SGF29: variants seen among roughly 807,000 people sequenced by gnomAD.
SGF29 encodes SAGA complex associated factor 29.
A neutral mutation model predicts 38.1 loss-of-function variants in SGF29; 15 were observed. That is an observed-to-expected ratio of 0.39 (90% CI 0.26 to 0.61). SGF29 has a LOEUF of 0.61. SGF29 is among the 20% of genes least tolerant of loss of function. The pLI, the probability that SGF29 is intolerant of heterozygous loss-of-function variation, is 0.49. For synonymous variants in SGF29, 151 were observed against 160.8 expected (o/e 0.94, Z 0.46); for missense variants, 184 against 394.6 (o/e 0.47, Z 4.52).
At chr16:28,564,553 A>ATATATATATATGTATATATATATACG (rs1567285615) in intron 1 of SGF29, among the ~76,000 whole-genome samples, 2 of 108,732 alleles carry the variant, frequency 1.8e-5, no homozygotes, top group Non-Finnish European at 3.5e-5. Flanking sequence ...ATATATACGT[A>ATATATATATATGTATATATATATACG]TATATATATA....
chr16:28,559,137 T>C (rs1272441359), intron 1 of SGF29, among the ~76,000 whole-genome samples: 1 of 152,054 alleles, frequency 6.6e-6, no homozygotes, highest in Non-Finnish European at 1.5e-5. Context: ...CTGAGCAATA[T>C]GATGAGACCT....
chr16:28,581,823 G>C (rs2046927756), intron 2 of SGF29, among the ~76,000 whole-genome samples: 1 of 151,802 alleles, frequency 6.6e-6, no homozygotes, highest in African/African-American at 2.4e-5. Flanking sequence ...GGAGGCTGAG[G>C]CAGGAGAATC....
intron 1 of SGF29, among the ~76,000 whole-genome samples, chr16:28,555,282 G>A (rs1219174607): frequency 6.6e-6 from 1 of 151,748 alleles, no homozygotes; most frequent in East Asian, 1.9e-4. Flanking sequence ...CGAGCAACGT[G>A]GTGAAATCCA....
rs56801484 is a variant in SGF29, at chr16:28,564,726, T to TAC, written c.-16+10631_-16+10632dup. ...ATATATACATATATATGTATATATATACATATATATGTATATATGTATATA... is the reference window on the plus strand; with the variant it reads ...ATATATACATATATATGTATATATATACACATATATATGTATATATGTATATA... On this transcript the variant is annotated intron_variant, in intron 1 of 9. Coordinates refer to ENST00000317058, the MANE Select transcript of SGF29 (RefSeq NM_138414.3). 2.0e-3 allele frequency among the ~76,000 whole-genome samples: 87 copies of TAC among 44,532 alleles called. 1 individual carries two copies. Among genetic ancestry groups the TAC allele is most frequent in the Non-Finnish European group, 2.7e-3 (52 of 19,332 alleles). 29.2% of individuals were successfully genotyped at this position (44,532 alleles called of 152,430 possible). A position where few individuals can be genotyped will look rare whatever the true frequency, so the allele number is the denominator to read the frequency against.
intron 1 of SGF29, among the ~76,000 whole-genome samples, chr16:28,574,806 T>G (rs7193402): frequency 6.6e-6 from 1 of 152,016 alleles, no homozygotes; most frequent in Non-Finnish European, 1.5e-5. Context: ...CCCAAGACTT[T>G]AGCAACAGCC....
intron 1 of SGF29, among the ~76,000 whole-genome samples, chr16:28,564,892 A>C (rs1203892623): frequency 6.6e-6 from 1 of 150,694 alleles, no homozygotes; most frequent in African/African-American, 2.4e-5. Flanking sequence ...GGCCATCAGC[A>C]AGCTGAGGAA....
chr16:28,555,349 G>A (rs886528240), intron 1 of SGF29, among the ~76,000 whole-genome samples: 2 of 151,860 alleles, frequency 1.3e-5, no homozygotes, highest in African/African-American at 4.8e-5. Flanking sequence ...GGTGGTGCAC[G>A]CCTGTAATCC....
At chr16:28,582,281 A>T (rs1005910702) in intron 2 of SGF29, among the ~76,000 whole-genome samples, 7 of 152,216 alleles carry the variant, frequency 4.6e-5, no homozygotes, top group African/African-American at 1.7e-4. Flanking sequence ...TGAAAGGATG[A>T]GCGGTAGCCA....
intron 3 of SGF29, 182 bp downstream of exon 3, chr16:28,585,170 A>G (rs1291374576): frequency 5.2e-6 from 3 of 574,648 alleles, no homozygotes; most frequent in African/African-American, 3.8e-5. Context: ...AAATCCCTCT[A>G]CTCTGAGGAT....
intron 1 of SGF29, among the ~76,000 whole-genome samples, chr16:28,572,225 C>T (rs924999693): frequency 6.6e-6 from 1 of 152,064 alleles, no homozygotes; most frequent in East Asian, 1.9e-4. Flanking sequence ...ATCCACCTGC[C>T]TCAGCCTCCC....
intron 1 of SGF29, among the ~76,000 whole-genome samples, chr16:28,574,364 G>A (rs1470210183): frequency 6.6e-6 from 1 of 152,202 alleles, no homozygotes; most frequent in African/African-American, 2.4e-5. Flanking sequence ...CATACACAGT[G>A]TGTAGGAAGT....
chr16:28,583,947 C>T (rs1262873694), intron 2 of SGF29, among the ~76,000 whole-genome samples: 6 of 151,732 alleles, frequency 4.0e-5, no homozygotes, highest in African/African-American at 9.7e-5. Context: ...ATGGGGATTG[C>T]GTTGACTGTA....
At position 28,587,281 on chromosome 16, in the gene SGF29, G is replaced by A. The variant is rs375928571; in HGVS notation, c.224+1561G>A. Among the ~76,000 whole-genome samples the A allele has an allele frequency of 3.2e-4, 49 of 152,308 alleles. 1 individual carries two copies. The South Asian group carries it at 7.9e-3, about 24-fold the overall frequency. ...ATTGAGATTTTTTAAACTTCCCCCAGGAGATTCTGATGCCCACCAAGGTTT... is the reference window on the plus strand; with the variant it reads ...ATTGAGATTTTTTAAACTTCCCCCAAGAGATTCTGATGCCCACCAAGGTTT... On this transcript the variant is annotated intron_variant, in intron 4 of 9. Coordinates refer to ENST00000317058, the MANE Select transcript of SGF29 (RefSeq NM_138414.3).
chr16:28,575,716 A>G (rs2046888536), intron 1 of SGF29, among the ~76,000 whole-genome samples: 1 of 152,170 alleles, frequency 6.6e-6, no homozygotes, highest in Admixed American at 6.5e-5. Flanking sequence ...AAGACAAATA[A>G]CCAAACTTTA....
At chr16:28,567,699 T>C (rs1381483138) in intron 1 of SGF29, among the ~76,000 whole-genome samples, 1 of 152,184 alleles carries the variant, frequency 6.6e-6, no homozygotes, top group Non-Finnish European at 1.5e-5. Flanking sequence ...TAAGAGGGCA[T>C]GAACAGAATG....
intron 2 of SGF29, among the ~76,000 whole-genome samples, chr16:28,584,277 C>A (rs544381376): frequency 1.3e-5 from 2 of 152,068 alleles, no homozygotes; most frequent in Non-Finnish European, 2.9e-5. Flanking sequence ...AGGCTTAAGC[C>A]ACTGCACCAG....
intron 2 of SGF29, among the ~76,000 whole-genome samples, chr16:28,582,400 C>T (rs1285549555): frequency 3.9e-5 from 6 of 152,106 alleles, no homozygotes; most frequent in Non-Finnish European, 7.3e-5. Context: ...CAACATGATG[C>T]GTTGTCCAAA....
rs145340852 is a variant in SGF29 at position 28,590,434 on chromosome 16, C to T, written c.558C>T (p.Ala186=). The change falls in exon 7 of 10, where the codon GCC becomes GCT. Residue 186 remains alanine (A), a synonymous_variant. Coordinates refer to ENST00000317058, the MANE Select transcript of SGF29 (RefSeq NM_138414.3). This position sits in a 1 kb window ranked among gnomAD's most constrained non-coding sequence, Gnocchi z 8.2. ...ILAEVVSYSH[A]TNKYEVDDID... Reference sequence around the variant, plus strand: ...CCGAGGTGGTCAGTTACAGCCATGCCACCAACAAGTGAGTGACACCAACCC... The same window carrying T: ...CCGAGGTGGTCAGTTACAGCCATGCTACCAACAAGTGAGTGACACCAACCC... 4.6e-3 allele frequency: 7,397 copies of T among 1,613,916 alleles called. 22 individuals are homozygous for T. The highest frequency in any genetic ancestry group is 5.7e-3 in the Non-Finnish European group (6,670 of 1,179,840).
chr16:28,585,857 C>A, intron 4 of SGF29, 137 bp downstream of exon 4: 1 of 785,016 alleles, frequency 1.3e-6, no homozygotes, highest in Non-Finnish European at 2.2e-6. Context: ...TCGCTTGGGT[C>A]CCGCATTCCC....
Sources: gnomAD v4.1 joint callset for allele counts (sites outside exome capture counted in the v4.1 genomes callset) on GRCh38, gnomAD v4.1.1 for gene constraint, Gnocchi (gnomAD v3.1) non-coding constraint, MANE v1.5 for transcripts, NCBI Gene and HGNC (gene_info 2026-07-23, HGNC 2026-07-21) for gene names.